SLC10A7: variants seen among roughly 807,000 people sequenced by gnomAD.
SLC10A7 encodes the protein solute carrier family 10 member 7.
SLC10A7 carries 29 observed loss-of-function variants against 43.2 expected under a neutral mutation model. That is an observed-to-expected ratio of 0.67 (90% CI 0.50 to 0.92). The LOEUF (loss-of-function observed/expected upper bound fraction) is 0.92, where lower values mean the gene tolerates loss of function less well. Among genes scored for constraint, SLC10A7 ranks in the 40% least tolerant of loss-of-function variants. The pLI is 0.00. For missense variants in SLC10A7, 295 were observed against 403.2 expected (o/e 0.73, Z 2.30); for synonymous variants, 152 against 144.8 (o/e 1.05, Z -0.35).
chr4:146,338,081 G>A (rs1734011081), intron 5 of SLC10A7, among the ~76,000 whole-genome samples: 1 of 151,898 alleles, frequency 6.6e-6, no homozygotes, highest in Non-Finnish European at 1.5e-5. Flanking sequence ...ACACAACAGT[G>A]CCTGGCAAAT....
At chr4:146,406,393 A>G (rs1727697435) in intron 5 of SLC10A7, among the ~76,000 whole-genome samples, 1 of 152,194 alleles carries the variant, frequency 6.6e-6, no homozygotes, top group African/African-American at 2.4e-5. Flanking sequence ...TACCTAATAT[A>G]TAAACCAATC....
intron 5 of SLC10A7, among the ~76,000 whole-genome samples, chr4:146,388,711 A>G (rs1738186061): frequency 6.6e-6 from 1 of 151,662 alleles, no homozygotes; most frequent in Non-Finnish European, 1.5e-5. Context: ...GTGAGCCGAG[A>G]TGTTGCCACT....
chr4:146,360,817 G>A (rs1279884092), intron 5 of SLC10A7, among the ~76,000 whole-genome samples: 1 of 152,042 alleles, frequency 6.6e-6, no homozygotes, highest in East Asian at 1.9e-4. Flanking sequence ...TCCCAAGTTC[G>A]TTTAGCAAGA....
chr4:146,375,154 C>A (rs765043761), intron 5 of SLC10A7, among the ~76,000 whole-genome samples: 1 of 152,012 alleles, frequency 6.6e-6, no homozygotes. Flanking sequence ...TGCAGTGAGC[C>A]GAGATTGCAC....
intron 5 of SLC10A7, among the ~76,000 whole-genome samples, chr4:146,359,875 G>A (rs1735920662): frequency 6.6e-6 from 1 of 151,972 alleles, no homozygotes; most frequent in Admixed American, 6.6e-5. Context: ...CATGGTATTT[G>A]CTATTAGAGT....
chr4:146,375,946 ATAAGT>A (rs1737167857), intron 5 of SLC10A7, among the ~76,000 whole-genome samples: 1 of 152,184 alleles, frequency 6.6e-6, no homozygotes, highest in African/African-American at 2.4e-5. Context: ...CAGACCAGTG[ATAAGT>A]TAAGGGTGCC....
chr4:146,466,172 C>A (rs777067141), intron 4 of SLC10A7, among the ~76,000 whole-genome samples: 1 of 152,144 alleles, frequency 6.6e-6, no homozygotes, highest in Non-Finnish European at 1.5e-5. Context: ...TGAGGGATTA[C>A]ATGTTCTAAT....
At position 146,256,456 on chromosome 4, in the gene SLC10A7, A is replaced by C; in HGVS notation, c.*35T>G. ...ATTGCTAGTATGTACAATCCTGTAC[A>C]TATATACATTGCTACAGAAAGTCCA... On this transcript the variant is annotated 3_prime_UTR_variant, in exon 12 of 12. Coordinates refer to ENST00000335472, the MANE Select transcript of SLC10A7 (RefSeq NM_001029998.6). 1 of 1,609,424 alleles carries C rather than the reference A, an allele frequency of 6.2e-7. No individual in the cohort carries two copies. The highest frequency in any genetic ancestry group is 8.5e-7 in the Non-Finnish European group (1 of 1,175,716).
At chr4:146,444,829 GAA>G (rs1730903447) in intron 4 of SLC10A7, among the ~76,000 whole-genome samples, 1 of 152,160 alleles carries the variant, frequency 6.6e-6, no homozygotes, top group Non-Finnish European at 1.5e-5. Context: ...TGGGTACCCT[GAA>G]GACCACGTGA....
chr4:146,335,679 C>A (rs1228810108), intron 5 of SLC10A7, among the ~76,000 whole-genome samples: 1 of 152,020 alleles, frequency 6.6e-6, no homozygotes, highest in Non-Finnish European at 1.5e-5. Context: ...AATACCACCA[C>A]TGAGCTAATA....
chr4:146,264,178 TACAAGA>T (rs1012881888), intron 10 of SLC10A7, among the ~76,000 whole-genome samples: 47 of 152,348 alleles, frequency 3.1e-4, no homozygotes, highest in African/African-American at 1.1e-3. Flanking sequence ...AAACAATATG[TACAAGA>T]ACAAGTTTTT....
intron 9 of SLC10A7, among the ~76,000 whole-genome samples, chr4:146,286,224 G>A (rs929602580): frequency 5.0e-5 from 7 of 141,102 alleles, no homozygotes; most frequent in African/African-American, 1.0e-4. Flanking sequence ...GAGAAGGACC[G>A]TGTTTGGAGT....
chr4:146,270,532 A>G (rs186201706), intron 10 of SLC10A7, among the ~76,000 whole-genome samples: 2 of 152,190 alleles, frequency 1.3e-5, no homozygotes, highest in Non-Finnish European at 1.5e-5. Context: ...GCTTCTAAAA[A>G]CTATGCTGCC....
intron 4 of SLC10A7, among the ~76,000 whole-genome samples, chr4:146,475,590 C>G (rs1733951552): frequency 6.6e-6 from 1 of 152,178 alleles, no homozygotes; most frequent in South Asian, 2.1e-4. Flanking sequence ...AATACTATCA[C>G]TTTGCAACCT....
intron 9 of SLC10A7, among the ~76,000 whole-genome samples, chr4:146,286,454 A>G (rs79644632): frequency 0.22 from 3,710 of 17,072 alleles, 2 homozygotes; most frequent in African/African-American, 0.37. Flanking sequence ...AGTGGTGAGA[A>G]GGACTGAGTT....
At chr4:146,440,315 G>A (rs1000605175) in intron 5 of SLC10A7, among the ~76,000 whole-genome samples, 1 of 150,762 alleles carries the variant, frequency 6.6e-6, no homozygotes, top group African/African-American at 2.4e-5. Context: ...ACAGAGTCTC[G>A]CTCTTTCACC....
rs541590137 is a variant in SLC10A7, at chr4:146,427,343, T to A, written c.435+15440A>T. The stretch of plus-strand genomic sequence containing the variant: ...CACACACACAAAAGAAAGAAAAGTA[T>A]TCTTCTTAATCTGGATGTTTTCTAG... On this transcript the variant is annotated intron_variant, in intron 5 of 11. Coordinates refer to ENST00000335472, the MANE Select transcript of SLC10A7 (RefSeq NM_001029998.6). Among the ~76,000 whole-genome samples the A allele has an allele frequency of 5.9e-5, 9 of 152,256 alleles. No homozygotes were observed. The East Asian group carries it at 1.7e-3, about 29-fold the overall frequency.
At chr4:146,463,946 C>G (rs1299276616) in intron 4 of SLC10A7, among the ~76,000 whole-genome samples, 1 of 151,548 alleles carries the variant, frequency 6.6e-6, no homozygotes, top group Non-Finnish European at 1.5e-5. Context: ...CCTCAGCCTC[C>G]CAAGTTGCTG....
chr4:146,256,547 G>A (rs1727896106), intron 11 of SLC10A7, 27 bp from the exon 12 acceptor site: 1 of 1,613,430 alleles, frequency 6.2e-7, no homozygotes, highest in East Asian at 2.2e-5. Flanking sequence ...CATGTTCAGA[G>A]TTGGACAGTA....
Sources: gnomAD v4.1 joint callset for allele counts (sites outside exome capture counted in the v4.1 genomes callset) on GRCh38, gnomAD v4.1.1 for gene constraint, MANE v1.5 for transcripts, NCBI Gene and HGNC (gene_info 2026-07-23, HGNC 2026-07-21) for gene names.